The following DPP10 variants were observed in gnomAD, a reference collection of about 807,000 sequenced individuals.
DPP10 encodes dipeptidyl peptidase like 10, also known as inactive dipeptidyl peptidase 10.
Under a neutral mutation model 120.9 loss-of-function variants are expected in DPP10, and 33 were observed. The observed-to-expected ratio is 0.27, with a 90% confidence interval of 0.21 to 0.37. DPP10 has a LOEUF of 0.37. Ranked by LOEUF, DPP10 falls within the 10% of genes least tolerant of loss-of-function variation. The pLI is 1.00. For synonymous variants in DPP10, 337 were observed against 326.1 expected, an observed-to-expected ratio of 1.03 and a Z score of -0.36; for missense variants, 816 against 942.8, an observed-to-expected ratio of 0.87 and a Z score of 1.76.
intron 1 of DPP10, among the ~76,000 whole-genome samples, chr2:115,293,182 G>A (rs538894679): frequency 2.0e-3 from 298 of 152,264 alleles, no homozygotes; most frequent in African/African-American, 6.9e-3. Context: ...GCAGGATGCG[G>A]GTCAGTGCGG....
At chr2:114,557,002 T>G (rs1251323776) in intron 1 of DPP10, among the ~76,000 whole-genome samples, 35 of 1,590 alleles carry the variant, frequency 0.022, no homozygotes, top group Non-Finnish European at 0.031. Flanking sequence ...AAAGACAGCT[T>G]TTTTTTTTTT....
intron 7 of DPP10, among the ~76,000 whole-genome samples, chr2:115,704,768 A>C (rs193200797): frequency 3.9e-5 from 6 of 152,118 alleles, no homozygotes; most frequent in Admixed American, 1.3e-4. Flanking sequence ...CTGCAATGAT[A>C]ATCAACCATA....
intron 1 of DPP10, among the ~76,000 whole-genome samples, chr2:114,460,387 T>G (rs1678831580): frequency 6.6e-6 from 1 of 152,222 alleles, no homozygotes. Flanking sequence ...TAATTTCAGA[T>G]TAGCTGATAT....
chr2:115,247,888 A>T (rs920440272), intron 1 of DPP10, among the ~76,000 whole-genome samples: 2 of 152,182 alleles, frequency 1.3e-5, no homozygotes, highest in African/African-American at 2.4e-5. Flanking sequence ...CAACTAGCTA[A>T]TGGTGGCTGT....
chr2:115,279,286 C>T (rs1217922761), intron 1 of DPP10, among the ~76,000 whole-genome samples: 1 of 152,030 alleles, frequency 6.6e-6, no homozygotes, highest in African/African-American at 2.4e-5. Flanking sequence ...CTCTGTGGAC[C>T]TTAACATTTT....
intron 1 of DPP10, among the ~76,000 whole-genome samples, chr2:114,580,879 C>A (rs115241020): frequency 0.012 from 1,802 of 152,216 alleles, 17 homozygotes; most frequent in Non-Finnish European, 0.02. Context: ...GCTGTCAGCT[C>A]ACTGCCATCT....
At chr2:115,204,109 T>C (rs2055943863) in intron 1 of DPP10, among the ~76,000 whole-genome samples, 1 of 110,900 alleles carries the variant, frequency 9.0e-6, no homozygotes, top group African/African-American at 3.5e-5. Flanking sequence ...TGTGAAGAAA[T>C]AGAAATTTTA....
At chr2:115,270,644 C>T (rs12466330) in intron 1 of DPP10, among the ~76,000 whole-genome samples, 28,864 of 152,014 alleles carry the variant, frequency 0.19, 3,072 homozygotes, top group East Asian at 0.36. Context: ...GAAGATTTAA[C>T]TGGGCCAGGG....
At chr2:115,781,911 A>G (rs1481349692) in intron 16 of DPP10, among the ~76,000 whole-genome samples, 1 of 151,966 alleles carries the variant, frequency 6.6e-6, no homozygotes, top group African/African-American at 2.4e-5. Context: ...CCAATTTTAA[A>G]CTTTTCTTAT....
At chr2:115,209,101 A>G (rs2056344025) in intron 1 of DPP10, among the ~76,000 whole-genome samples, 2 of 152,118 alleles carry the variant, frequency 1.3e-5, no homozygotes, top group South Asian at 4.1e-4. Context: ...TTTTTATTTT[A>G]GATGACACTA....
chr2:115,283,955 A>T (rs983212117), intron 1 of DPP10, among the ~76,000 whole-genome samples: 4 of 152,018 alleles, frequency 2.6e-5, no homozygotes, highest in African/African-American at 9.7e-5. Context: ...TATACCATCT[A>T]GATTTGTGTA....
chr2:115,446,088 A>G (rs906365684), intron 3 of DPP10, among the ~76,000 whole-genome samples: 1 of 152,210 alleles, frequency 6.6e-6, no homozygotes, highest in Non-Finnish European at 1.5e-5. Context: ...GCCATGGATG[A>G]TAAGGGCCAA....
At chr2:115,651,626 T>A (rs1411358573) in intron 5 of DPP10, among the ~76,000 whole-genome samples, 1 of 151,916 alleles carries the variant, frequency 6.6e-6, no homozygotes, top group Admixed American at 6.6e-5. Flanking sequence ...ATCCATGGAG[T>A]AATATAATAC....
intron 1 of DPP10, among the ~76,000 whole-genome samples, chr2:115,154,695 C>A (rs1327153718): frequency 2.0e-5 from 3 of 151,818 alleles, no homozygotes; most frequent in African/African-American, 7.3e-5. Flanking sequence ...TGAGGCTCCC[C>A]CTACTTAGGC....
chr2:114,664,382 A>G (rs1014277023), intron 1 of DPP10, among the ~76,000 whole-genome samples: 11 of 151,910 alleles, frequency 7.2e-5, no homozygotes, highest in African/African-American at 2.7e-4. Context: ...TCATCCCAAC[A>G]CTTTGGGAGG....
At chr2:115,560,279 G>C (rs1338273586) in intron 5 of DPP10, among the ~76,000 whole-genome samples, 9 of 143,576 alleles carry the variant, frequency 6.3e-5, no homozygotes, top group Admixed American at 4.3e-4. Flanking sequence ...GCTGAGGCAG[G>C]AGAATGGCGT....
chr2:114,453,330 A>G (rs1362577590), intron 1 of DPP10, among the ~76,000 whole-genome samples: 1 of 152,138 alleles, frequency 6.6e-6, no homozygotes, highest in Non-Finnish European at 1.5e-5. Context: ...AAGGGCAGGT[A>G]GAAAGAAGTC....
intron 1 of DPP10, among the ~76,000 whole-genome samples, chr2:115,186,413 CAG>C (rs939942059): frequency 2.4e-4 from 36 of 152,172 alleles, no homozygotes; most frequent in Non-Finnish European, 5.9e-5. Flanking sequence ...GGAATACAAA[CAG>C]AGCAGCACAG....
At chr2:115,050,740 C>T (rs955716179) in intron 1 of DPP10, among the ~76,000 whole-genome samples, 5 of 152,154 alleles carry the variant, frequency 3.3e-5, no homozygotes, top group South Asian at 2.1e-4. Flanking sequence ...GACTAACCTT[C>T]GGTCTCTGCG....
Sources: allele counts gnomAD v4.1 joint callset (sites outside exome capture counted in the v4.1 genomes callset), GRCh38; gene constraint gnomAD v4.1.1; transcripts MANE v1.5; gene names NCBI Gene and HGNC (gene_info 2026-07-23, HGNC 2026-07-21).